Variants in KIF26B observed in about 807,000 individuals in gnomAD.
The protein encoded by KIF26B is kinesin family member 26B.
KIF26B carries 63 observed loss-of-function variants against 151.2 expected under a neutral mutation model. That is an observed-to-expected ratio of 0.42 (90% CI 0.34 to 0.51). The LOEUF (loss-of-function observed/expected upper bound fraction) is 0.51. KIF26B is among the 20% of genes least tolerant of loss of function. KIF26B has a pLI of 0.07. For synonymous variants in KIF26B, 1,357 were observed against 1,262.1 expected (o/e 1.08, Z -1.59); for missense variants, 2,813 against 2,913.6 (o/e 0.97, Z 0.79).
rs564169182 is a variant in KIF26B, at chr1:245,437,561, C to T, written c.1166+17816C>T. Among the ~76,000 whole-genome samples the T allele has an allele frequency of 1.6e-4, 25 of 152,136 alleles. No homozygotes were observed. The South Asian group carries it at 5.2e-3, about 32-fold the overall frequency. On this transcript the variant is annotated intron_variant, in intron 4 of 14. Coordinates refer to ENST00000407071, the MANE Select transcript of KIF26B (RefSeq NM_018012.4). Reference sequence around the variant, plus strand: ...CCTTTAAACCCGGGCGTGTGAGGAACGTTGATTTATGGAGCCTAGATCATG... The same window carrying T: ...CCTTTAAACCCGGGCGTGTGAGGAATGTTGATTTATGGAGCCTAGATCATG...
chr1:245,165,512 G>C (rs1668601020), intron 2 of KIF26B, among the ~76,000 whole-genome samples: 1 of 152,202 alleles, frequency 6.6e-6, no homozygotes, highest in Admixed American at 6.5e-5. Flanking sequence ...CTGAGGTGGA[G>C]ATATGGATCT....
intron 3 of KIF26B, among the ~76,000 whole-genome samples, chr1:245,384,032 C>A (rs1350327838): frequency 1.3e-5 from 2 of 152,216 alleles, no homozygotes; most frequent in Admixed American, 6.5e-5. Context: ...TCTTCTGCCA[C>A]TTTCAGTATG....
At chr1:245,317,461 G>C (rs1443250718) in intron 2 of KIF26B, among the ~76,000 whole-genome samples, 1 of 152,202 alleles carries the variant, frequency 6.6e-6, no homozygotes, top group Non-Finnish European at 1.5e-5. Context: ...GAGAAAAACA[G>C]ACTAATCACC....
At chr1:245,259,934 CAAAA>C (rs35913005) in intron 2 of KIF26B, among the ~76,000 whole-genome samples, 5 of 72,012 alleles carry the variant, frequency 6.9e-5, no homozygotes, top group Non-Finnish European at 7.9e-5. Context: ...GGTCCTGTCT[CAAAA>C]AAAAAAAAAA....
chr1:245,629,558 T>C (rs2043758080), intron 9 of KIF26B, among the ~76,000 whole-genome samples: 1 of 152,158 alleles, frequency 6.6e-6, no homozygotes, highest in Non-Finnish European at 1.5e-5. Flanking sequence ...AAACTAAAAC[T>C]GGACCCCTTC....
chr1:245,690,997 A>G (rs912182425), intron 12 of KIF26B, among the ~76,000 whole-genome samples: 27 of 152,212 alleles, frequency 1.8e-4, no homozygotes, highest in Non-Finnish European at 3.5e-4. Context: ...TTGTTATTCT[A>G]ATCCACGCAG....
rs568188854 is a variant in KIF26B, at chr1:245,560,072, C to T, written c.1350+19122C>T. 2.6e-5 allele frequency among the ~76,000 whole-genome samples: 4 copies of T among 152,234 alleles called. No individual in the cohort carries two copies. Among genetic ancestry groups the T allele is most frequent in the Admixed American group, 6.5e-5 (1 of 15,292 alleles). On this transcript the variant is annotated intron_variant, in intron 5 of 14. Coordinates refer to ENST00000407071, the MANE Select transcript of KIF26B (RefSeq NM_018012.4). This position sits in a 1 kb window ranked among gnomAD's most constrained non-coding sequence, Gnocchi z 4.3. ...CTGCTCAGTCCTCAGGCCCAGCTCC[C>T]GTGTCACCTGCCACCTGCAGGCCTT...
intron 4 of KIF26B, among the ~76,000 whole-genome samples, chr1:245,474,328 T>C (rs532850933): frequency 1.3e-5 from 2 of 151,786 alleles, no homozygotes; most frequent in East Asian, 3.9e-4. Flanking sequence ...CAAGATGGTC[T>C]TGATCTCCTG....
Position 245,540,725 on chromosome 1 carries a change from C to T in KIF26B, c.1167-42C>T, listed in dbSNP as rs753673078. 7.1e-6 allele frequency: 11 copies of T among 1,542,726 alleles called. No homozygotes were observed. The highest frequency in any genetic ancestry group is 3.3e-5 in the South Asian group (3 of 89,584). On this transcript the variant is annotated intron_variant, in intron 4 of 14. Coordinates refer to ENST00000407071, the MANE Select transcript of KIF26B (RefSeq NM_018012.4). This position sits in a 1 kb window ranked among gnomAD's most constrained non-coding sequence, Gnocchi z 4.6. ...ACGAAGTAAGCCTAGCAGATCTGATCGTACAATCATTTTCCCCTTATTGTT... is the reference window on the plus strand; with the variant it reads ...ACGAAGTAAGCCTAGCAGATCTGATTGTACAATCATTTTCCCCTTATTGTT...
intron 4 of KIF26B, among the ~76,000 whole-genome samples, chr1:245,445,276 C>G (rs1416088099): frequency 6.6e-6 from 1 of 152,182 alleles, no homozygotes; most frequent in Non-Finnish European, 1.5e-5. Context: ...CCAGGCAACC[C>G]CAGCCTTGGC....
rs78509447 is a variant in KIF26B, at chr1:245,623,702, T to C, written c.2098+11726T>C. Among the ~76,000 whole-genome samples the C allele has an allele frequency of 2.0e-3, 299 of 152,286 alleles. 6 individuals carry two copies. The East Asian group carries it at 0.053, about 27-fold the overall frequency. On this transcript the variant is annotated intron_variant, in intron 9 of 14. Coordinates refer to ENST00000407071, the MANE Select transcript of KIF26B (RefSeq NM_018012.4). ...TTGTGTACAAAATTATCAAAAATAT[T>C]GTCTAAGATTATCTTCAGGCTGTGT...
chr1:245,190,633 T>TG (rs1355579443), intron 2 of KIF26B, among the ~76,000 whole-genome samples: 1 of 97,962 alleles, frequency 1.0e-5, no homozygotes, highest in Admixed American at 1.3e-4. Context: ...CTGAATGTTT[T>TG]GTTTTGTTTT....
chr1:245,684,413 T>G lies in KIF26B; in HGVS notation c.2421+18T>G. On this transcript the variant is annotated intron_variant, in intron 11 of 14. Transcript: ENST00000407071. ...AGACGAAGGTAAGGAGCTCGCGGGGTGGGGGGGTGGTGGATGAGGGAGCCT... is the reference window on the plus strand; with the variant it reads ...AGACGAAGGTAAGGAGCTCGCGGGGGGGGGGGGTGGTGGATGAGGGAGCCT... 110 of 1,388,696 alleles carry G rather than the reference T, an allele frequency of 7.9e-5. No individual in the cohort carries two copies. Among genetic ancestry groups the G allele is most frequent in the Middle Eastern group, 1.8e-4 (1 of 5,440 alleles). The allele number at this position is 1,388,696 out of a possible 1,614,324, so 86.0% of individuals were successfully genotyped here.
chr1:245,219,617 C>G (rs934704902), intron 2 of KIF26B, among the ~76,000 whole-genome samples: 1 of 152,048 alleles, frequency 6.6e-6, no homozygotes, highest in Non-Finnish European at 1.5e-5. Flanking sequence ...GCATGTAGTT[C>G]CAGCTACTCA....
chr1:245,246,568 G>C (rs547721261), intron 2 of KIF26B, among the ~76,000 whole-genome samples: 1 of 152,260 alleles, frequency 6.6e-6, no homozygotes, highest in South Asian at 2.1e-4. Context: ...GTTGGCACCT[G>C]ACCCCACAGT....
intron 4 of KIF26B, among the ~76,000 whole-genome samples, chr1:245,531,238 A>C (rs995071734): frequency 6.6e-6 from 1 of 152,196 alleles, no homozygotes; most frequent in Admixed American, 6.5e-5. Context: ...TTATTAGATA[A>C]ATGATTATCA....
chr1:245,656,798 A>AT (rs112311630), intron 10 of KIF26B, among the ~76,000 whole-genome samples: 188 of 148,198 alleles, frequency 1.3e-3, no homozygotes, highest in Middle Eastern at 3.5e-3. Context: ...GCATTAACAG[A>AT]TTTTTTTTTT....
At chr1:245,330,339 A>G (rs529802695) in intron 2 of KIF26B, among the ~76,000 whole-genome samples, 1 of 113,532 alleles carries the variant, frequency 8.8e-6, no homozygotes, top group South Asian at 3.9e-4. Context: ...ATTCTCCATA[A>G]AGAATCCCAG....
At chr1:245,518,684 T>C (rs983185075) in intron 4 of KIF26B, among the ~76,000 whole-genome samples, 6 of 152,236 alleles carry the variant, frequency 3.9e-5, no homozygotes, top group African/African-American at 9.6e-5. Context: ...GAAAAAATAC[T>C]GATAAGCCTT....
Sources: allele counts gnomAD v4.1 joint callset (sites outside exome capture counted in the v4.1 genomes callset), GRCh38; gene constraint gnomAD v4.1.1; non-coding constraint Gnocchi (gnomAD v3.1); transcripts MANE v1.5; gene names NCBI Gene and HGNC (gene_info 2026-07-23, HGNC 2026-07-21).